Variants in JARID2 observed in about 807,000 individuals in gnomAD.
The protein encoded by JARID2 is protein Jumonji.
Under a neutral mutation model 125.6 loss-of-function variants are expected in JARID2, and 21 were observed. The observed-to-expected ratio is 0.17, with a 90% CI of 0.12 to 0.24. JARID2 has a LOEUF of 0.24. Ranked by LOEUF, JARID2 falls within the 10% of genes least tolerant of loss-of-function variation. The pLI is 1.00. For missense variants in JARID2, 1,303 were observed against 1,639.6 expected, an observed-to-expected ratio of 0.79 and a Z score of 3.55; for synonymous variants, 736 against 661.6, an observed-to-expected ratio of 1.11 and a Z score of -1.73.
At chr6:15,255,517 A>G (rs1307864075) in intron 1 of JARID2, among the ~76,000 whole-genome samples, 1 of 152,168 alleles carries the variant, frequency 6.6e-6, no homozygotes, top group Non-Finnish European at 1.5e-5. Flanking sequence ...GGACAGGAGA[A>G]TGTGGGAGAT....
chr6:15,415,825 C>CA (rs1766161521), intron 3 of JARID2, among the ~76,000 whole-genome samples: 6 of 135,092 alleles, frequency 4.4e-5, no homozygotes, highest in Non-Finnish European at 8.2e-5. Context: ...GGGGGGCTGA[C>CA]CCCCCCACCT....
At chr6:15,365,633 T>C (rs1038584597) in intron 1 of JARID2, among the ~76,000 whole-genome samples, 3 of 151,576 alleles carry the variant, frequency 2.0e-5, no homozygotes, top group Non-Finnish European at 4.4e-5. Flanking sequence ...TTTTTTTTTT[T>C]AAATAGGCAG....
chr6:15,406,112 C>CA (rs1317189987), intron 2 of JARID2, among the ~76,000 whole-genome samples: 1 of 152,146 alleles, frequency 6.6e-6, no homozygotes, highest in Non-Finnish European at 1.5e-5. Flanking sequence ...AGAATAAAGT[C>CA]AGTCTTGCGC....
At chr6:15,413,228 AGGC>A (rs1765982244) in intron 3 of JARID2, among the ~76,000 whole-genome samples, 1 of 151,984 alleles carries the variant, frequency 6.6e-6, no homozygotes, top group Admixed American at 6.5e-5. Flanking sequence ...CATGTTGGTC[AGGC>A]TGGTCTCCCT....
At chr6:15,358,514 G>A (rs1484186514) in intron 1 of JARID2, among the ~76,000 whole-genome samples, 5 of 152,172 alleles carry the variant, frequency 3.3e-5, no homozygotes, top group African/African-American at 7.2e-5. Flanking sequence ...TCATTGAGTT[G>A]GGGCAACCGA....
intron 2 of JARID2, among the ~76,000 whole-genome samples, chr6:15,394,534 C>T (rs575556303): frequency 6.6e-6 from 1 of 152,204 alleles, no homozygotes; most frequent in African/African-American, 2.4e-5. Flanking sequence ...GGAAGGTCGA[C>T]GCTGTAGTGA....
At chr6:15,291,689 A>G (rs1761221301) in intron 1 of JARID2, among the ~76,000 whole-genome samples, 1 of 152,226 alleles carries the variant, frequency 6.6e-6, no homozygotes, top group Admixed American at 6.5e-5. Context: ...CTACATGCAT[A>G]TTCTAAAATG....
At chr6:15,366,447 T>G (rs2127502120) in intron 1 of JARID2, among the ~76,000 whole-genome samples, 1 of 138,180 alleles carries the variant, frequency 7.2e-6, no homozygotes, top group East Asian at 2.3e-4. Flanking sequence ...CTTTTTCTTT[T>G]TGAAAGTAGC....
chr6:15,504,675 C>T (rs1393632523), intron 9 of JARID2, 83 bp downstream of exon 9: 3 of 859,502 alleles, frequency 3.5e-6, no homozygotes, highest in Non-Finnish European at 3.9e-6. Context: ...CTGCCCTGAC[C>T]CCTGCAGCTC....
chr6:15,325,286 A>G (rs1427634450), intron 1 of JARID2, among the ~76,000 whole-genome samples: 1 of 152,180 alleles, frequency 6.6e-6, no homozygotes, highest in Admixed American at 6.5e-5. Flanking sequence ...GTGTGTGTGC[A>G]CACACACAAC....
rs373185170 is a variant in JARID2 at position 15,278,984 on chromosome 6, C to T, written c.45+32400C>T. On this transcript the variant is annotated intron_variant, in intron 1 of 17. Transcript: ENST00000341776. ...GAGGTTGAGGCATGAGAATCTCAAG[C>T]TCAGGTTGAGGCATGAGAATCACTT... is the stretch of plus-strand genomic sequence containing the variant. Among the ~76,000 whole-genome samples the T allele has an allele frequency of 5.3e-5, 8 of 151,750 alleles. No individual in the cohort carries two copies. The East Asian group carries it at 1.6e-3, about 30-fold the overall frequency.
chr6:15,418,883 CTG>C (rs747501182), intron 3 of JARID2, among the ~76,000 whole-genome samples: 13 of 152,176 alleles, frequency 8.5e-5, no homozygotes, highest in Non-Finnish European at 1.6e-4. Context: ...GTCTGCACGA[CTG>C]TGTTCCTTAT....
At chr6:15,441,320 C>T (rs1346719142) in intron 3 of JARID2, among the ~76,000 whole-genome samples, 1 of 152,106 alleles carries the variant, frequency 6.6e-6, no homozygotes, top group East Asian at 1.9e-4. Flanking sequence ...TGGCTGGGTT[C>T]TTAACTGGCA....
intron 1 of JARID2, among the ~76,000 whole-genome samples, chr6:15,352,040 T>A (rs1245127607): frequency 1.3e-5 from 2 of 152,164 alleles, no homozygotes; most frequent in Non-Finnish European, 2.9e-5. Flanking sequence ...TGATATTTCT[T>A]CCTTTTTAAT....
At chr6:15,326,001 A>G (rs1561793678) in intron 1 of JARID2, among the ~76,000 whole-genome samples, 1 of 152,192 alleles carries the variant, frequency 6.6e-6, no homozygotes, top group East Asian at 1.9e-4. Flanking sequence ...ACATGTAATG[A>G]TTGTATAATT....
At chr6:15,321,095 A>G (rs970726865) in intron 1 of JARID2, among the ~76,000 whole-genome samples, 4 of 152,156 alleles carry the variant, frequency 2.6e-5, no homozygotes, top group Admixed American at 2.0e-4. Flanking sequence ...AGGAACTTAA[A>G]AGAATTTTTG....
chr6:15,468,982 A>T (rs928799786), intron 5 of JARID2, among the ~76,000 whole-genome samples: 4 of 151,860 alleles, frequency 2.6e-5, no homozygotes, highest in African/African-American at 9.7e-5. Context: ...GAACAGGAAA[A>T]GACCAGATCT....
chr6:15,380,649 C>G (rs1275238457), intron 2 of JARID2, among the ~76,000 whole-genome samples: 1 of 152,110 alleles, frequency 6.6e-6, no homozygotes, highest in East Asian at 1.9e-4. Context: ...ATTGGAAGCG[C>G]AGATGTGGGA....
At chr6:15,511,966 G>T (rs373800635) in intron 13 of JARID2, among the ~76,000 whole-genome samples, 4 of 152,202 alleles carry the variant, frequency 2.6e-5, no homozygotes, top group African/African-American at 7.2e-5. Flanking sequence ...GCATTGCCAC[G>T]TGGGGACAGA....
Sources: gnomAD v4.1 joint callset for allele counts (sites outside exome capture counted in the v4.1 genomes callset) on GRCh38, gnomAD v4.1.1 for gene constraint, MANE v1.5 for transcripts, NCBI Gene and HGNC (gene_info 2026-07-23, HGNC 2026-07-21) for gene names.